Variants in GPHN observed in about 807,000 individuals in gnomAD.
The protein encoded by GPHN is gephyrin.
Under a neutral mutation model 95.5 loss-of-function variants are expected in GPHN, and 17 were observed. The ratio of observed to expected loss-of-function variants is 0.18; its 90% CI spans 0.12 to 0.27. The LOEUF is 0.27. Ranked by LOEUF, GPHN falls within the 10% of genes least tolerant of loss-of-function variation. The pLI, the probability that GPHN is intolerant of heterozygous loss-of-function variation, is 1.00. For synonymous variants in GPHN, 320 were observed against 322.5 expected (o/e 0.99, Z 0.08); for missense variants, 660 against 978.1 (o/e 0.67, Z 4.34).
chr14:66,679,500 C>G (rs894775943), intron 1 of GPHN, among the ~76,000 whole-genome samples: 7 of 152,052 alleles, frequency 4.6e-5, no homozygotes, highest in Non-Finnish European at 8.8e-5. Context: ...TTGGGCTAGT[C>G]TCAGCAATTT....
the GPHN span, among the ~76,000 whole-genome samples, chr14:67,624,959 C>T: frequency 6.6e-6 from 1 of 152,124 alleles, no homozygotes; most frequent in Non-Finnish European, 1.5e-5. Flanking sequence ...ACAGTGAAAC[C>T]AGGAGGCTGG....
chr14:66,996,529 A>G (rs546689257), intron 9 of GPHN, among the ~76,000 whole-genome samples: 40 of 152,140 alleles, frequency 2.6e-4, no homozygotes, highest in Non-Finnish European at 5.4e-4. Flanking sequence ...TGAATTAGGT[A>G]ATTTATTATT....
At chr14:67,376,163 A>ACT in the GPHN span, among the ~76,000 whole-genome samples, 46,102 of 151,932 alleles carry the variant, frequency 0.3, 10,538 homozygotes, top group African/African-American at 0.62. Flanking sequence ...CTATGCGAGC[A>ACT]CTCTGTAGTA....
At chr14:67,520,667 A>G in the GPHN span, among the ~76,000 whole-genome samples, 29 of 152,340 alleles carry the variant, frequency 1.9e-4, no homozygotes, top group African/African-American at 6.5e-4. Flanking sequence ...TTATGTGGAC[A>G]TAAATTTCCA....
the GPHN span, chr14:67,321,024 G>C: frequency 6.3e-7 from 1 of 1,589,446 alleles, no homozygotes; most frequent in Non-Finnish European, 8.6e-7. Context: ...TCTAAGCCAT[G>C]CCTGTTATTT....
the GPHN span, among the ~76,000 whole-genome samples, chr14:67,288,771 A>T: frequency 2.0e-5 from 3 of 152,036 alleles, no homozygotes; most frequent in Admixed American, 6.5e-5. Context: ...TCTTAATATT[A>T]GCTTATGGTT....
chr14:67,504,599 A>C, the GPHN span, among the ~76,000 whole-genome samples: 5 of 152,328 alleles, frequency 3.3e-5, no homozygotes, highest in South Asian at 8.3e-4. Flanking sequence ...TAAATAAAAA[A>C]CAATAGGCCA....
chr14:67,587,139 C>T, the GPHN span: 3 of 1,613,856 alleles, frequency 1.9e-6, no homozygotes, highest in South Asian at 2.2e-5. Flanking sequence ...TGAACCCCCC[C>T]ACCAACCCAC....
chr14:67,735,149 G>GTT, the GPHN span: 2 of 890,262 alleles, frequency 2.2e-6, no homozygotes, highest in South Asian at 2.6e-5. Context: ...TCGACATGTT[G>GTT]TTGGCATTTT....
chr14:67,514,238 G>T, the GPHN span, among the ~76,000 whole-genome samples: 1 of 152,140 alleles, frequency 6.6e-6, no homozygotes, highest in African/African-American at 2.4e-5. Context: ...ACACCCCCAG[G>T]GAAACCCTGG....
At chr14:67,537,448 T>G in the GPHN span, among the ~76,000 whole-genome samples, 2 of 150,388 alleles carry the variant, frequency 1.3e-5, no homozygotes. Flanking sequence ...GTGGGTCACT[T>G]GAGCCCAGGA....
rs2078300937 is a variant in GPHN, at chr14:67,110,428, A to C, written c.1413+169A>C. 3 of 655,956 alleles carry C rather than the reference A, an allele frequency of 4.6e-6. No individual in the cohort carries two copies. In the East Asian group the frequency reaches 8.4e-5, roughly 18 times the overall value. The allele number at this position is 655,956 out of a possible 1,614,324, so 40.6% of individuals were successfully genotyped here. A position where few individuals can be genotyped will look rare whatever the true frequency, so the allele number is the denominator to read the frequency against. ...TGTAGTATATGAGTCTCCAGTAAATAAGAAATTTCCTTAATCTTGAAAATC... is the reference window on the plus strand; with the variant it reads ...TGTAGTATATGAGTCTCCAGTAAATCAGAAATTTCCTTAATCTTGAAAATC... On this transcript the variant is annotated intron_variant, in intron 14 of 22. Coordinates refer to ENST00000478722, the MANE Select transcript of GPHN (RefSeq NM_020806.5).
chr14:66,681,211 G>C lies in GPHN; in HGVS notation c.143+26G>C, dbSNP rs150524427. 9 of 1,345,156 alleles carry C rather than the reference G, an allele frequency of 6.7e-6. No individual in the cohort carries two copies. In the South Asian group the frequency reaches 9.4e-5, roughly 14 times the overall value. 83.3% of individuals were successfully genotyped at this position (1,345,156 alleles called of 1,614,324 possible). ...GTGAGTATTGTGCTTTCAGTATTAA[G>C]TATAAATTAAAACTTTATTATTAGT... On this transcript the variant is annotated intron_variant, in intron 2 of 22. Transcript: ENST00000478722.
intron 20 of GPHN, among the ~76,000 whole-genome samples, chr14:67,166,158 A>C (rs1213301341): frequency 6.6e-6 from 1 of 152,238 alleles, no homozygotes; most frequent in Non-Finnish European, 1.5e-5. Flanking sequence ...CTTTGAAAAC[A>C]TTTTAAGCCC....
At chr14:66,514,836 A>G (rs1322574839) in intron 1 of GPHN, among the ~76,000 whole-genome samples, 1 of 151,996 alleles carries the variant, frequency 6.6e-6, no homozygotes, top group Non-Finnish European at 1.5e-5. Flanking sequence ...TTTCCTTACA[A>G]CGTTTATAAA....
At chr14:67,387,471 G>A in the GPHN span, 1 of 1,592,706 alleles carries the variant, frequency 6.3e-7, no homozygotes, top group Non-Finnish European at 8.5e-7. Context: ...GCAGAAAAAA[G>A]GGGGAAAAAA....
the GPHN span, among the ~76,000 whole-genome samples, chr14:67,287,792 A>ACATG: frequency 6.6e-6 from 1 of 152,254 alleles, no homozygotes; most frequent in Non-Finnish European, 1.5e-5. Context: ...TTGAAAGGCT[A>ACATG]CATGGCGTAG....
At chr14:66,513,974 T>A (rs2058142702) in intron 1 of GPHN, among the ~76,000 whole-genome samples, 1 of 151,878 alleles carries the variant, frequency 6.6e-6, no homozygotes, top group Admixed American at 6.6e-5. Context: ...TAAAAAGAAT[T>A]CTTAATTTGA....
chr14:66,601,912 G>C (rs951748188), intron 1 of GPHN, among the ~76,000 whole-genome samples: 1 of 151,866 alleles, frequency 6.6e-6, no homozygotes, highest in Non-Finnish European at 1.5e-5. Context: ...AATTAAGAGG[G>C]AATATTTTAA....
Sources: allele counts gnomAD v4.1 joint callset (sites outside exome capture counted in the v4.1 genomes callset), GRCh38; gene constraint gnomAD v4.1.1; transcripts MANE v1.5; gene names NCBI Gene and HGNC (gene_info 2026-07-23, HGNC 2026-07-21).